The following MYH1 variants were observed in gnomAD, a reference collection of about 807,000 sequenced individuals.
MYH1 encodes myosin heavy chain 1.
In MYH1, 214 loss-of-function variants were observed where a neutral mutation model predicts 225.6. The ratio of observed to expected loss-of-function variants is 0.95; its 90% CI spans 0.85 to 1.06. The LOEUF is 1.06. Ranked by LOEUF, MYH1 falls within the 50% of genes least tolerant of loss-of-function variation. The pLI is 0.00. For synonymous variants in MYH1, 774 were observed against 842.3 expected (o/e 0.92, Z 1.40); for missense variants, 2,098 against 2,344.2 (o/e 0.89, Z 2.17).
At chr17:10,517,573 G>A (rs1259129541) in intron 2 of MYH1, among the ~76,000 whole-genome samples, 1 of 152,076 alleles carries the variant, frequency 6.6e-6, no homozygotes, top group African/African-American at 2.4e-5. Flanking sequence ...TAATAATAAA[G>A]ATACCTTTTC....
chr17:10,493,859 T>C (rs1014009400), intron 39 of MYH1, among the ~76,000 whole-genome samples: 4 of 152,228 alleles, frequency 2.6e-5, no homozygotes, highest in Non-Finnish European at 5.9e-5. Flanking sequence ...TCCACTCTCT[T>C]ATCCAAGCCA....
chr17:10,511,744 A>G, intron 14 of MYH1, 95 bp downstream of exon 14: 7 of 1,586,312 alleles, frequency 4.4e-6, no homozygotes, highest in Non-Finnish European at 5.2e-6. Flanking sequence ...TTTTTCATAG[A>G]CCCTTTCCAT....
chr17:10,515,826 G>A lies in MYH1; in HGVS notation c.505+100C>T, dbSNP rs965655067. 4.2e-5 allele frequency: 67 copies of A among 1,583,168 alleles called. 1 individual carries two copies. The highest frequency in any genetic ancestry group is 1.9e-5 in the Non-Finnish European group (22 of 1,160,746). ...AGTCACCTCTGCTGAACAACCAGGG[G>A]CGTGAATTGGGTTTTTTTCTAAAGG... On this transcript the variant is annotated intron_variant, in intron 5 of 39. Transcript: ENST00000226207.
chr17:10,507,767 G>A (rs2073127559), intron 17 of MYH1, 119 bp downstream of exon 17: 1 of 834,940 alleles, frequency 1.2e-6, no homozygotes, highest in Non-Finnish European at 2.0e-6. Context: ...ACTACCAGCT[G>A]AACTATCTCG....
intron 17 of MYH1, 35 bp from the exon 18 acceptor site, chr17:10,506,134 G>A (rs778148084): frequency 1.2e-6 from 2 of 1,610,712 alleles, no homozygotes; most frequent in Admixed American, 1.7e-5. Context: ...TTTAAAAAAT[G>A]TACTGTTTTC....
intron 22 of MYH1, 105 bp downstream of exon 22, chr17:10,504,705 G>A (rs2073091419): frequency 7.8e-7 from 1 of 1,284,596 alleles, no homozygotes; most frequent in African/African-American, 1.5e-5. Flanking sequence ...GATTATTAAA[G>A]ATTCATAATC....
chr17:10,493,211 A>G (rs2072952710), intron 39 of MYH1, among the ~76,000 whole-genome samples: 1 of 152,198 alleles, frequency 6.6e-6, no homozygotes, highest in Admixed American at 6.5e-5. Flanking sequence ...AGCTTGAGAA[A>G]AAACCTCAGC....
In MYH1 at chr17:10,501,155, C is replaced by T. The variant is rs770569438; in HGVS notation, c.3693G>A (p.Glu1231=). ...LEKEKSEMKM[E]IDDLASNMET... ...CCATGTTACTAGCAAGGTCATCGAT[C>T]TCCATCTTCATCTCACTCTTCTCCT... Residue 1231 remains glutamate, a synonymous_variant, in exon 27 of 40, where the codon GAG becomes GAA. Coordinates refer to ENST00000226207, the MANE Select transcript of MYH1 (RefSeq NM_005963.4). 7 of 1,614,026 alleles carry T rather than the reference C, an allele frequency of 4.3e-6. No individual in the cohort carries two copies. The highest frequency in any genetic ancestry group is 3.4e-6 in the Non-Finnish European group (4 of 1,180,000).
chr17:10,501,074 A>G lies in MYH1; in HGVS notation c.3738+36T>C, dbSNP rs566279012. The G allele has an allele frequency of 3.8e-5, 61 of 1,605,670 alleles. No homozygotes were observed. The Middle Eastern group carries it at 6.6e-4, about 17-fold the overall frequency. ...CATATTTGTGCTAAAGGGAAAAACA[A>G]AAAACCAAATAATCAATGTGAAGTG... On this transcript the variant is annotated intron_variant, in intron 27 of 39. Transcript: ENST00000226207.
In MYH1 at chr17:10,516,266, A is replaced by T; in HGVS notation, c.281T>A (p.Met94Lys). ...KYDKIEDMAM[M>K]THLHEPAVLY... ...CACAGCAGGCTCGTGTAGATGAGTCATCATGGCCATGTCCTCGATCTTGTC... is the reference window on the plus strand; with the variant it reads ...CACAGCAGGCTCGTGTAGATGAGTCTTCATGGCCATGTCCTCGATCTTGTC... The change falls in exon 4 of 40, where the codon ATG becomes AAG. Residue 94 changes from methionine (M) to lysine (K), a missense_variant. Coordinates refer to ENST00000226207, the MANE Select transcript of MYH1 (RefSeq NM_005963.4). 1 of 1,613,892 alleles carries T rather than the reference A, an allele frequency of 6.2e-7. No homozygotes were observed. The highest frequency in any genetic ancestry group is 8.5e-7 in the Non-Finnish European group (1 of 1,179,946).
In MYH1 at chr17:10,501,826, G is replaced by A. The variant is rs1241959216; in HGVS notation, c.3197C>T (p.Ala1066Val). ...TTCTATATCCATTGTGGATTCTTGA[G>A]CCAATTTTAGGTCTCCCTCTAGTTT... ...KRKLEGDLKL[A>V]QESTMDIEND... Residue 1066 changes from alanine (A) to valine (V), a missense_variant, in exon 25 of 40, where the codon GCT (alanine) becomes GTT (valine). Transcript: ENST00000226207. 6.2e-7 allele frequency: 1 copy of A among 1,613,554 alleles called. No individual in the cohort carries two copies. Among genetic ancestry groups the A allele is most frequent in the South Asian group, 1.1e-5 (1 of 90,984 alleles).
rs1358350543 is a variant in MYH1, at chr17:10,516,667, C to T, written c.-25G>A. 4 of 1,612,698 alleles carry T rather than the reference C, an allele frequency of 2.5e-6. No homozygotes were observed. Among genetic ancestry groups the T allele is most frequent in the Non-Finnish European group, 3.4e-6 (4 of 1,178,956 alleles). On this transcript the variant is annotated 5_prime_UTR_variant, in exon 3 of 40. Transcript: ENST00000226207. ...TGGCTGCAGGTTATTGATGGTAGCCCAGTTAAGGACCCTGGCTGGGAGAGG... is the reference window on the plus strand; with the variant it reads ...TGGCTGCAGGTTATTGATGGTAGCCTAGTTAAGGACCCTGGCTGGGAGAGG...
In MYH1 at chr17:10,511,734, T is replaced by C. The variant is rs1206149761; in HGVS notation, c.1416+105A>G. 3.2e-6 allele frequency: 5 copies of C among 1,569,770 alleles called. No individual in the cohort carries two copies. The East Asian group carries it at 1.1e-4, about 35-fold the overall frequency. ...GTCAGTTAAGTTTAAAGTGCAGCTATTTTTCATAGACCCTTTCCATAAGTG... is the reference window on the plus strand; with the variant it reads ...GTCAGTTAAGTTTAAAGTGCAGCTACTTTTCATAGACCCTTTCCATAAGTG... On this transcript the variant is annotated intron_variant, in intron 14 of 39. Coordinates refer to ENST00000226207, the MANE Select transcript of MYH1 (RefSeq NM_005963.4).
In MYH1 at chr17:10,514,881, A is replaced by T; in HGVS notation, c.520T>A (p.Ser174Thr). 1.2e-6 allele frequency: 2 copies of T among 1,612,724 alleles called. No homozygotes were observed. The highest frequency in any genetic ancestry group is 1.7e-4 in the Middle Eastern group (1 of 6,056). The change falls in exon 6 of 40, where the codon TCT becomes ACT. Residue 174 changes from serine (S) to threonine (T), a missense_variant. Transcript: ENST00000226207. Reference protein sequence around the residue: ...QFMLTDRENQSILITGESGAG... With the variant: ...QFMLTDRENQTILITGESGAG... ...AGGAATACATACGTGATCAAGATAG[A>T]CTGATTCTCCCGATCTAGAAGAAAA...
In MYH1 at chr17:10,514,893, G is replaced by C. The variant is rs769113864; in HGVS notation, c.508C>G (p.Arg170Gly). 6.2e-7 allele frequency: 1 copy of C among 1,612,304 alleles called. No individual in the cohort carries two copies. Among genetic ancestry groups the C allele is most frequent in the East Asian group, 2.2e-5 (1 of 44,784 alleles). Residue 170 changes from arginine (R) to glycine (G), a missense_variant and splice_region_variant, in exon 6 of 40, where the codon CGG becomes GGG. Physicochemically the swap from Arg to Gly is moderately radical, Grantham distance 125 (BLOSUM62 -2). Transcript: ENST00000226207. ...GTGATCAAGATAGACTGATTCTCCC[G>C]ATCTAGAAGAAAAACAGTGGAAAAT... ...DNAYQFMLTD[R>G]ENQSILITGE...
intron 6 of MYH1, 94 bp from the exon 7 acceptor site, chr17:10,514,218 C>A (rs1332355410): frequency 2.9e-6 from 4 of 1,388,362 alleles, no homozygotes; most frequent in African/African-American, 2.9e-5. Context: ...ATTAGAGAGC[C>A]TTTTACATCT....
In MYH1 at chr17:10,502,822, C is replaced by T. The variant is rs776004041; in HGVS notation, c.3027G>A (p.Gln1009=). 1.9e-5 allele frequency: 31 copies of T among 1,614,000 alleles called. No homozygotes were observed. The South Asian group carries it at 3.4e-4, about 18-fold the overall frequency. ...CCTCTGCCTGCAGGTCATCCAGGGT[C>T]TGCTGGTGGGCCTCCTGGAGAGCCT... ...EKKALQEAHQ[Q]TLDDLQAEED... is the part of the protein sequence containing the mutation. The change falls in exon 24 of 40, where the codon CAG becomes CAA. Residue 1009 remains glutamine, a synonymous_variant. Coordinates refer to ENST00000226207, the MANE Select transcript of MYH1 (RefSeq NM_005963.4).
In MYH1 at chr17:10,516,696, A is replaced by G; in HGVS notation, c.-40-14T>C. Reference sequence around the variant, plus strand: ...TAAGGACCCTGGCTGGGAGAGGAAGAAAAGAAATTGTAGAAATTAAGAAAC... The same window carrying G: ...TAAGGACCCTGGCTGGGAGAGGAAGGAAAGAAATTGTAGAAATTAAGAAAC... On this transcript the variant is annotated splice_polypyrimidine_tract_variant and intron_variant, in intron 2 of 39. Transcript: ENST00000226207. The G allele has an allele frequency of 6.3e-7, 1 of 1,594,590 alleles. No homozygotes were observed. Among genetic ancestry groups the G allele is most frequent in the Non-Finnish European group, 8.6e-7 (1 of 1,169,304 alleles).
chr17:10,510,949 C>CAA (rs879854960), intron 14 of MYH1, among the ~76,000 whole-genome samples: 25 of 136,882 alleles, frequency 1.8e-4, no homozygotes, highest in African/African-American at 6.2e-4. Flanking sequence ...GCTGTTACTT[C>CAA]AAAAAAAAAA....
Sources: allele counts gnomAD v4.1 joint callset (sites outside exome capture counted in the v4.1 genomes callset), GRCh38; gene constraint gnomAD v4.1.1; transcripts MANE v1.5; gene names NCBI Gene and HGNC (gene_info 2026-07-23, HGNC 2026-07-21).